EYA2: variants seen among roughly 807,000 people sequenced by gnomAD.
EYA2 encodes the protein protein phosphatase EYA2.
Under a neutral mutation model 69.2 loss-of-function variants are expected in EYA2, and 31 were observed. That is an observed-to-expected ratio of 0.45 (90% CI 0.34 to 0.60). The LOEUF is 0.60. EYA2 is among the 20% of genes least tolerant of loss of function. The pLI is 0.02. For synonymous variants in EYA2, 257 were observed against 279.4 expected, an observed-to-expected ratio of 0.92 and a Z score of 0.80; for missense variants, 622 against 701.2, an observed-to-expected ratio of 0.89 and a Z score of 1.28.
chr20:47,069,658 C>CT (rs35149082), intron 5 of EYA2, among the ~76,000 whole-genome samples: 59,038 of 151,828 alleles, frequency 0.39, 12,638 homozygotes, highest in African/African-American at 0.58. Flanking sequence ...ATGGATACCC[C>CT]TTCTCCATGA....
intron 1 of EYA2, among the ~76,000 whole-genome samples, chr20:46,950,820 A>C (rs1978751126): frequency 6.6e-6 from 1 of 152,198 alleles, no homozygotes; most frequent in Non-Finnish European, 1.5e-5. Flanking sequence ...CTCCAGTGCC[A>C]ATAGTTCATT....
chr20:46,998,771 A>C (rs1468937464), intron 2 of EYA2, among the ~76,000 whole-genome samples: 1 of 152,228 alleles, frequency 6.6e-6, no homozygotes, highest in Non-Finnish European at 1.5e-5. Flanking sequence ...CAGTTTCTCA[A>C]TTCCTCCAGG....
intron 4 of EYA2, among the ~76,000 whole-genome samples, chr20:47,008,229 A>C (rs1009840911): frequency 6.6e-6 from 1 of 152,182 alleles, no homozygotes; most frequent in Non-Finnish European, 1.5e-5. Flanking sequence ...CAACCCTACG[A>C]GGAAGGTCAT....
rs549655849 is a variant in EYA2 at position 46,911,028 on chromosome 20, C to G, written c.-11+16041C>G. Among the ~76,000 whole-genome samples the G allele has an allele frequency of 7.2e-5, 11 of 152,262 alleles. 1 individual carries two copies. The highest frequency in any genetic ancestry group is 2.6e-4 in the African/African-American group (11 of 41,542). ...GAGGTTCAGGTTAGTTACCATTTAC[C>G]GTTGGGACCATGCTGTTGGCTCTCC... On this transcript the variant is annotated intron_variant, in intron 1 of 15. Transcript: ENST00000327619.
intron 8 of EYA2, among the ~76,000 whole-genome samples, chr20:47,095,307 T>C (rs1033953637): frequency 6.6e-6 from 1 of 151,986 alleles, no homozygotes; most frequent in African/African-American, 2.4e-5. Flanking sequence ...AAAAGACAGA[T>C]TTATTAAAAA....
Position 47,003,214 on chromosome 20 carries a change from G to A in EYA2, c.156-1728G>A, listed in dbSNP as rs113200254. Among the ~76,000 whole-genome samples the A allele has an allele frequency of 6.6e-5, 10 of 152,292 alleles. No homozygotes were observed. The South Asian group carries it at 1.0e-3, about 16-fold the overall frequency. ...TCTCTATCTGCTGTATGCTTGTGGC[G>A]TGTTATTAAGTCTCTCTCTGCCTCT... On this transcript the variant is annotated intron_variant, in intron 3 of 15. Coordinates refer to ENST00000327619, the MANE Select transcript of EYA2 (RefSeq NM_005244.5).
At chr20:47,006,467 C>T (rs1213805559) in intron 4 of EYA2, among the ~76,000 whole-genome samples, 1 of 152,200 alleles carries the variant, frequency 6.6e-6, no homozygotes, top group Admixed American at 6.5e-5. Flanking sequence ...CTGCCCCTGA[C>T]CTCTCCAGGC....
In EYA2 at chr20:47,089,779, C is replaced by T. The variant is rs548148186; in HGVS notation, c.804+398C>T. Among the ~76,000 whole-genome samples, 15 of 152,278 alleles carry T rather than the reference C, an allele frequency of 9.9e-5. No individual in the cohort carries two copies. The South Asian group carries it at 2.1e-3, about 21-fold the overall frequency. Reference sequence around the variant, plus strand: ...CCTGATAAAGAAAAGAATGGGCCTCCGACCTTCCAGCTGGGTTAAAGTGGT... The same window carrying T: ...CCTGATAAAGAAAAGAATGGGCCTCTGACCTTCCAGCTGGGTTAAAGTGGT... On this transcript the variant is annotated intron_variant, in intron 8 of 15. Coordinates refer to ENST00000327619, the MANE Select transcript of EYA2 (RefSeq NM_005244.5).
intron 1 of EYA2, among the ~76,000 whole-genome samples, chr20:46,933,064 T>C (rs563071793): frequency 6.6e-6 from 1 of 152,274 alleles, no homozygotes; most frequent in Admixed American, 6.5e-5. Flanking sequence ...ATTTATAAAT[T>C]ACTGTCTCAG....
chr20:47,150,019 G>T (rs540756843), intron 10 of EYA2, among the ~76,000 whole-genome samples: 1 of 152,342 alleles, frequency 6.6e-6, no homozygotes, highest in South Asian at 2.1e-4. Context: ...TGAGTGAGGT[G>T]CTGTCCCTGA....
chr20:47,033,945 G>A (rs1292469945), intron 5 of EYA2, among the ~76,000 whole-genome samples: 2 of 152,226 alleles, frequency 1.3e-5, no homozygotes, highest in Non-Finnish European at 2.9e-5. Flanking sequence ...CATGGAACAT[G>A]AAAGTGGCAC....
chr20:46,931,013 A>G (rs940595610), intron 1 of EYA2, among the ~76,000 whole-genome samples: 1 of 152,206 alleles, frequency 6.6e-6, no homozygotes, highest in Non-Finnish European at 1.5e-5. Context: ...GTGATAACCG[A>G]AAACGTCTCC....
intron 5 of EYA2, among the ~76,000 whole-genome samples, chr20:47,044,517 C>T (rs575715298): frequency 7.0e-4 from 106 of 151,712 alleles, no homozygotes; most frequent in Middle Eastern, 6.8e-3. Flanking sequence ...TAGAGTCTTT[C>T]GGGGGGGTGG....
At chr20:46,951,129 G>A (rs1444422163) in intron 1 of EYA2, among the ~76,000 whole-genome samples, 2 of 152,186 alleles carry the variant, frequency 1.3e-5, no homozygotes, top group Non-Finnish European at 2.9e-5. Context: ...ATTTAGGCAA[G>A]GTAGTGACAG....
chr20:47,099,315 T>G (rs2032356975), intron 9 of EYA2, among the ~76,000 whole-genome samples: 1 of 152,204 alleles, frequency 6.6e-6, no homozygotes, highest in African/African-American at 2.4e-5. Flanking sequence ...GAGGCCGAAG[T>G]GAGAGGATTG....
intron 15 of EYA2, among the ~76,000 whole-genome samples, chr20:47,185,269 T>A (rs2146680412): frequency 7.2e-6 from 1 of 139,858 alleles, no homozygotes; most frequent in African/African-American, 2.5e-5. Context: ...GAAAAATGAA[T>A]CACACTCTTT....
chr20:47,049,860 A>ACCCCCCCCCC (rs57648069), intron 5 of EYA2, among the ~76,000 whole-genome samples: 4 of 126,304 alleles, frequency 3.2e-5, no homozygotes, highest in African/African-American at 1.2e-4. Flanking sequence ...TCTGTGACAG[A>ACCCCCCCCCC]CCCCCCCCCC....
rs112305257 is a variant in EYA2 at position 47,001,522 on chromosome 20, T to C, written c.155+49T>C. On this transcript the variant is annotated intron_variant, in intron 3 of 15. Coordinates refer to ENST00000327619, the MANE Select transcript of EYA2 (RefSeq NM_005244.5). The stretch of plus-strand genomic sequence containing the variant: ...TGCTCACATGCCCACCTTTTCTTCT[T>C]TCTTGGAAGGTAGAGGTTAAGAGAG... 2.0e-3 allele frequency: 3,177 copies of C among 1,587,170 alleles called. 54 individuals are homozygous for C. In the African/African-American group the frequency reaches 0.038, roughly 19 times the overall value.
intron 1 of EYA2, among the ~76,000 whole-genome samples, chr20:46,923,053 T>C (rs1985250281): frequency 1.3e-5 from 2 of 152,252 alleles, no homozygotes; most frequent in South Asian, 4.2e-4. Context: ...TGTTGCAAAG[T>C]ACAGAAAAAG....
Sources: allele counts gnomAD v4.1 joint callset (sites outside exome capture counted in the v4.1 genomes callset), GRCh38; gene constraint gnomAD v4.1.1; transcripts MANE v1.5; gene names NCBI Gene and HGNC (gene_info 2026-07-23, HGNC 2026-07-21).